Variants in FLT1 observed in about 807,000 individuals in gnomAD.
FLT1 encodes fms related receptor tyrosine kinase 1.
FLT1 carries 49 observed loss-of-function variants against 156.3 expected under a neutral mutation model. The observed-to-expected ratio is 0.31, with a 90% CI of 0.25 to 0.40. The LOEUF is 0.40. Among genes scored for constraint, FLT1 ranks in the 10% least tolerant of loss-of-function variants. FLT1 has a pLI of 1.00. For synonymous variants in FLT1, 594 were observed against 583.8 expected (o/e 1.02, Z -0.25); for missense variants, 1,322 against 1,637.2 (o/e 0.81, Z 3.32).
intron 3 of FLT1, among the ~76,000 whole-genome samples, chr13:28,457,084 T>C (rs1010967529): frequency 2.7e-4 from 41 of 152,038 alleles, no homozygotes; most frequent in African/African-American, 9.7e-4. Flanking sequence ...ATGAAGACTA[T>C]GCATGTGGGG....
chr13:28,421,858 C>A (rs777545909), intron 10 of FLT1, among the ~76,000 whole-genome samples: 1 of 152,102 alleles, frequency 6.6e-6, no homozygotes, highest in African/African-American at 2.4e-5. Context: ...ACGACCATTG[C>A]CATTTACAGA....
At chr13:28,368,907 G>A (rs562903973) in intron 14 of FLT1, among the ~76,000 whole-genome samples, 6 of 151,144 alleles carry the variant, frequency 4.0e-5, no homozygotes, top group South Asian at 2.1e-4. Flanking sequence ...GTTTCACCAC[G>A]TTGGCCAGGC....
intron 6 of FLT1, among the ~76,000 whole-genome samples, chr13:28,432,008 T>C (rs1877711461): frequency 6.6e-6 from 1 of 152,186 alleles, no homozygotes; most frequent in African/African-American, 2.4e-5. Flanking sequence ...CCCAGGTTTG[T>C]CTCAGAGAAG....
At chr13:28,319,231 A>G (rs549593698) in intron 24 of FLT1, among the ~76,000 whole-genome samples, 192 bp downstream of exon 24, 67 of 152,304 alleles carry the variant, frequency 4.4e-4, no homozygotes, top group Non-Finnish European at 8.8e-4. Context: ...GATCATATAA[A>G]GCCCTTTTAC....
At chr13:28,446,641 G>T (rs1008435385) in intron 3 of FLT1, among the ~76,000 whole-genome samples, 3 of 152,144 alleles carry the variant, frequency 2.0e-5, no homozygotes, top group Admixed American at 2.0e-4. Context: ...ATTGTGGAAA[G>T]AAATTAAAGA....
At chr13:28,493,712 C>G (rs1224197989) in intron 1 of FLT1, among the ~76,000 whole-genome samples, 1 of 152,214 alleles carries the variant, frequency 6.6e-6, no homozygotes, top group African/African-American at 2.4e-5. Context: ...GCCACTCAGC[C>G]CCACTGAGCA....
Position 28,306,820 on chromosome 13 carries a change from G to T in FLT1, c.3721-48C>A, listed in dbSNP as rs367817939. 7 of 1,284,830 alleles carry T rather than the reference G, an allele frequency of 5.4e-6. No individual in the cohort carries two copies. The African/African-American group carries it at 7.3e-5, about 13-fold the overall frequency. The allele number at this position is 1,284,830 out of a possible 1,614,324, so 79.6% of individuals were successfully genotyped here. On this transcript the variant is annotated intron_variant, in intron 28 of 29. Coordinates refer to ENST00000282397, the MANE Select transcript of FLT1 (RefSeq NM_002019.4). ...TATACTCTTGCCTGGCCCAGCGGGG[G>T]TCCATGCTGAGCCTGAGGGATGATC...
At chr13:28,482,447 CA>C (rs1290195922) in intron 1 of FLT1, among the ~76,000 whole-genome samples, 1 of 147,072 alleles carries the variant, frequency 6.8e-6, no homozygotes, top group African/African-American at 2.5e-5. Flanking sequence ...GCCTGGACAA[CA>C]AAAGTAAAAC....
chr13:28,322,543 C>T lies in FLT1; in HGVS notation c.2954-184G>A. 1 of 722,556 alleles carries T rather than the reference C, an allele frequency of 1.4e-6. No homozygotes were observed. The highest frequency in any genetic ancestry group is 2.5e-6 in the Non-Finnish European group (1 of 403,728). 44.8% of individuals were successfully genotyped at this position (722,556 alleles called of 1,614,324 possible). ...TTTCCAGGCCTCCAGCCCACTTTAT[C>T]CAAGCATGGGGGCAGGGGGATGATC... is the stretch of plus-strand genomic sequence containing the variant. On this transcript the variant is annotated intron_variant, in intron 21 of 29. Transcript: ENST00000282397. This position sits in a 1 kb window ranked among gnomAD's most constrained non-coding sequence, Gnocchi z 4.3.
At chr13:28,449,173 C>T (rs1878783532) in intron 3 of FLT1, among the ~76,000 whole-genome samples, 1 of 152,148 alleles carries the variant, frequency 6.6e-6, no homozygotes, top group Non-Finnish European at 1.5e-5. Context: ...GTCCCAGCTA[C>T]TCTGGAGGCT....
chr13:28,444,389 T>A (rs1878495161), intron 3 of FLT1, among the ~76,000 whole-genome samples: 1 of 151,782 alleles, frequency 6.6e-6, no homozygotes, highest in African/African-American at 2.4e-5. Flanking sequence ...TGCAGTGAGC[T>A]GAGATCACAC....
At chr13:28,400,757 C>G (rs1160952810) in intron 11 of FLT1, among the ~76,000 whole-genome samples, 4 of 152,164 alleles carry the variant, frequency 2.6e-5, no homozygotes, top group Non-Finnish European at 5.9e-5. Flanking sequence ...GAGAAAGTAA[C>G]CAAGAATTTG....
At chr13:28,364,981 A>C (rs1203170879) in intron 14 of FLT1, among the ~76,000 whole-genome samples, 3 of 152,140 alleles carry the variant, frequency 2.0e-5, no homozygotes, top group Non-Finnish European at 2.9e-5. Context: ...AAAAAGCACA[A>C]TTGGAATGTT....
intron 16 of FLT1, among the ~76,000 whole-genome samples, chr13:28,344,662 C>T (rs1164891019): frequency 6.6e-6 from 1 of 152,038 alleles, no homozygotes; most frequent in Non-Finnish European, 1.5e-5. Flanking sequence ...AATCTGATGT[C>T]CTGAATGCCA....
intron 15 of FLT1, among the ~76,000 whole-genome samples, chr13:28,355,176 G>C (rs536761759): frequency 7.2e-5 from 11 of 152,316 alleles, no homozygotes; most frequent in African/African-American, 2.4e-4. Context: ...TGAGGTATAC[G>C]TGGACTCAAG....
intron 10 of FLT1, among the ~76,000 whole-genome samples, chr13:28,409,269 G>T: frequency 6.6e-6 from 1 of 152,056 alleles, no homozygotes; most frequent in East Asian, 1.9e-4. Context: ...TGGCTTCTCT[G>T]TGACCAAAGA....
chr13:28,477,357 G>A (rs1880603086), intron 1 of FLT1, among the ~76,000 whole-genome samples: 1 of 152,146 alleles, frequency 6.6e-6, no homozygotes, highest in Admixed American at 6.6e-5. Flanking sequence ...GCTGACCAAG[G>A]AGTTACCTTT....
chr13:28,357,100 T>G (rs1454545578), intron 15 of FLT1, among the ~76,000 whole-genome samples: 1 of 152,214 alleles, frequency 6.6e-6, no homozygotes, highest in African/African-American at 2.4e-5. Flanking sequence ...ATAAAAGCAT[T>G]TGGAATAGCA....
chr13:28,348,143 T>A (rs184471404), intron 15 of FLT1, among the ~76,000 whole-genome samples: 1 of 152,240 alleles, frequency 6.6e-6, no homozygotes, highest in East Asian at 1.9e-4. Flanking sequence ...AATTATCAGC[T>A]CTCCTACCCA....
Sources: allele counts gnomAD v4.1 joint callset (sites outside exome capture counted in the v4.1 genomes callset), GRCh38; gene constraint gnomAD v4.1.1; non-coding constraint Gnocchi (gnomAD v3.1); transcripts MANE v1.5; gene names NCBI Gene and HGNC (gene_info 2026-07-23, HGNC 2026-07-21).